ADRA1D: variants seen among roughly 807,000 people sequenced by gnomAD.
ADRA1D encodes adrenoceptor alpha 1D, also known as alpha-1D adrenergic receptor.
A neutral mutation model predicts 18.6 loss-of-function variants in ADRA1D; 22 were observed. The observed-to-expected ratio is 1.19, with a 90% CI of 0.85 to 1.69. The LOEUF is 1.69. ADRA1D is among the 40% of genes most tolerant of loss of function. The probability of loss-of-function intolerance (pLI) is 0.00; values close to 1 mark genes in which losing one functional copy is unlikely to be tolerated. For missense variants in ADRA1D, 840 were observed against 840.7 expected, an observed-to-expected ratio of 1.00 and a Z score of 0.01; for synonymous variants, 376 against 388.2, an observed-to-expected ratio of 0.97 and a Z score of 0.37.
chr20:4,246,653 C>A (rs1358488699), intron 1 of ADRA1D, among the ~76,000 whole-genome samples: 4 of 152,144 alleles, frequency 2.6e-5, no homozygotes, highest in Non-Finnish European at 5.9e-5. Flanking sequence ...CAGTTCCAGC[C>A]TGTGGTCCCA....
chr20:4,235,084 G>A (rs1018766532), intron 1 of ADRA1D, among the ~76,000 whole-genome samples: 31 of 152,230 alleles, frequency 2.0e-4, no homozygotes, highest in African/African-American at 6.8e-4. Flanking sequence ...ATACCAAGCC[G>A]AGCCTCTCAC....
At position 4,222,152 on chromosome 20, in the gene ADRA1D, A is replaced by G; in HGVS notation, c.1112-22T>C. 6.2e-7 allele frequency: 1 copy of G among 1,608,464 alleles called. No homozygotes were observed. The highest frequency in any genetic ancestry group is 8.5e-7 in the Non-Finnish European group (1 of 1,177,362). ...GAGCCTGTAGGGAGCAGAGACCGAT[A>G]CTATTTAGCTGCTTGGGGAGGGGGA... On this transcript the variant is annotated intron_variant, in intron 1 of 1. Transcript: ENST00000379453. This position sits in a 1 kb window ranked among gnomAD's most constrained non-coding sequence, Gnocchi z 4.3.
At chr20:4,234,669 A>G (rs946188) in intron 1 of ADRA1D, among the ~76,000 whole-genome samples, 28,433 of 152,216 alleles carry the variant, frequency 0.19, 3,144 homozygotes, top group Middle Eastern at 0.26. Context: ...GGAGCTCAGT[A>G]GCAGCCTTCC....
rs1050165689 is a variant in ADRA1D at position 4,248,001 on chromosome 20, G to A, written c.957C>T (p.His319=). 1.3e-6 allele frequency: 2 copies of A among 1,561,478 alleles called. No homozygotes were observed. The highest frequency in any genetic ancestry group is 2.7e-5 in the African/African-American group (2 of 73,138). ...RGAATGADGA[H]GMRSAKGHTF... is the part of the protein sequence containing the mutation. ...TGTGGCCCTTGGCGCTGCGCATGCCGTGCGCCCCGTCGGCGCCCGTGGCCG... is the reference window on the plus strand; with the variant it reads ...TGTGGCCCTTGGCGCTGCGCATGCCATGCGCCCCGTCGGCGCCCGTGGCCG... Residue 319 remains histidine (H), a synonymous_variant, in exon 1 of 2, where the codon CAC becomes CAT. Coordinates refer to ENST00000379453, the MANE Select transcript of ADRA1D (RefSeq NM_000678.4).
At chr20:4,235,665 A>G (rs1277324001) in intron 1 of ADRA1D, among the ~76,000 whole-genome samples, 2 of 152,224 alleles carry the variant, frequency 1.3e-5, no homozygotes, top group Non-Finnish European at 2.9e-5. Context: ...CGGGGAGAGA[A>G]GGTTCCCAGG....
At position 4,248,272 on chromosome 20, in the gene ADRA1D, A is replaced by G. The variant is rs748558421; in HGVS notation, c.686T>C (p.Val229Ala). The G allele has an allele frequency of 1.9e-6, 3 of 1,608,718 alleles. No individual in the cohort carries two copies. Among genetic ancestry groups the G allele is most frequent in the Non-Finnish European group, 1.7e-6 (2 of 1,177,916 alleles). ...LLWVVALVVSVGPLLGWKEPV... is the reference protein window; with the variant it reads ...LLWVVALVVSAGPLLGWKEPV... ...CTCCTTCCAGCCCAGCAGGGGCCCT[A>G]CGGACACCACCAGGGCTACGACCCA... is the stretch of plus-strand genomic sequence containing the variant. Residue 229 changes from valine (V) to alanine (A), a missense_variant, in exon 1 of 2, where the codon GTA becomes GCA. Physicochemically the swap from Val to Ala is moderately conservative, Grantham distance 64. Coordinates refer to ENST00000379453, the MANE Select transcript of ADRA1D (RefSeq NM_000678.4).
At chr20:4,227,575 C>T (rs560835693) in intron 1 of ADRA1D, among the ~76,000 whole-genome samples, 3 of 152,156 alleles carry the variant, frequency 2.0e-5, no homozygotes, top group Non-Finnish European at 4.4e-5. Flanking sequence ...CCTAAGTCCC[C>T]TCGACTTTCT....
At chr20:4,231,068 C>CTT (rs1980952003) in intron 1 of ADRA1D, among the ~76,000 whole-genome samples, 2 of 45,716 alleles carry the variant, frequency 4.4e-5, no homozygotes, top group Non-Finnish European at 9.8e-5. Flanking sequence ...CTTTCTTTCT[C>CTT]TCTCTCTCTC....
In ADRA1D at chr20:4,239,967, T is replaced by A. The variant is rs1981176754; in HGVS notation, c.1111+7880A>T. 1.3e-5 allele frequency among the ~76,000 whole-genome samples: 2 copies of A among 152,174 alleles called. No individual in the cohort carries two copies. The highest frequency in any genetic ancestry group is 1.3e-4 in the Admixed American group (2 of 15,286). On this transcript the variant is annotated intron_variant, in intron 1 of 1. Transcript: ENST00000379453. The surrounding 1 kb of genome is among the most constrained non-coding windows in gnomAD (Gnocchi z 4.9). ...GTGATATAATGGGTCCAGGCCATGG[T>A]CAATGGCTGCCAAAACCAGCAGGTG...
intron 1 of ADRA1D, among the ~76,000 whole-genome samples, chr20:4,226,554 G>A (rs1980804524): frequency 6.6e-6 from 1 of 152,218 alleles, no homozygotes; most frequent in Non-Finnish European, 1.5e-5. Flanking sequence ...GGGAGGTGGG[G>A]TATTTATACG....
Position 4,222,991 on chromosome 20 carries a change from C to T in ADRA1D, c.1112-861G>A, listed in dbSNP as rs1390594815. ...TTCAAACGAACATTAGCCGTCCCCA[C>T]GGATATTTTCCTATCACTTTCAGTT... is the stretch of plus-strand genomic sequence containing the variant. On this transcript the variant is annotated intron_variant, in intron 1 of 1. Transcript: ENST00000379453. The surrounding 1 kb of genome is among the most constrained non-coding windows in gnomAD (Gnocchi z 4.3). Among the ~76,000 whole-genome samples, 2 of 152,068 alleles carry T rather than the reference C, an allele frequency of 1.3e-5. No individual in the cohort carries two copies. The highest frequency in any genetic ancestry group is 4.8e-5 in the African/African-American group (2 of 41,394).
intron 1 of ADRA1D, among the ~76,000 whole-genome samples, chr20:4,228,375 A>G (rs1980870932): frequency 6.6e-6 from 1 of 152,138 alleles, no homozygotes; most frequent in African/African-American, 2.4e-5. Flanking sequence ...CATCGCAGGT[A>G]GACAATGATG....
Position 4,248,664 on chromosome 20 carries a change from G to T in ADRA1D, c.294C>A (p.Gly98=), listed in dbSNP as rs761994764. 1 of 1,605,612 alleles carries T rather than the reference G, an allele frequency of 6.2e-7. No homozygotes were observed. Among genetic ancestry groups the T allele is most frequent in the South Asian group, 1.1e-5 (1 of 90,002 alleles). Residue 98 remains glycine, a synonymous_variant, in exon 1 of 2, where the codon GGC becomes GGA. Transcript: ENST00000379453. ...GGLVVSAQGV[G]VGVFLAAFIL... ...TGAAGGCTGCCAGGAAGACGCCCACGCCCACGCCCTGCGCGCTCACCACCA... is the reference window on the plus strand; with the variant it reads ...TGAAGGCTGCCAGGAAGACGCCCACTCCCACGCCCTGCGCGCTCACCACCA...
chr20:4,247,564 A>T (rs977546335), intron 1 of ADRA1D, among the ~76,000 whole-genome samples: 1 of 152,182 alleles, frequency 6.6e-6, no homozygotes, highest in Non-Finnish European at 1.5e-5. Context: ...ATTTTCACAG[A>T]CGTTTTATTT....
At chr20:4,227,854 G>A (rs1980858276) in intron 1 of ADRA1D, among the ~76,000 whole-genome samples, 1 of 151,442 alleles carries the variant, frequency 6.6e-6, no homozygotes, top group South Asian at 2.1e-4. Flanking sequence ...TGATCCGCCT[G>A]CCTTGGCCTC....
At chr20:4,242,626 G>A (rs879881257) in intron 1 of ADRA1D, among the ~76,000 whole-genome samples, 2 of 152,194 alleles carry the variant, frequency 1.3e-5, no homozygotes, top group Non-Finnish European at 2.9e-5. Context: ...GGCTGGAGTG[G>A]GACATTGGCT....
intron 1 of ADRA1D, among the ~76,000 whole-genome samples, chr20:4,240,253 A>G (rs1010696191): frequency 1.3e-5 from 2 of 152,216 alleles, no homozygotes; most frequent in African/African-American, 4.8e-5. Flanking sequence ...AAAGAAACCT[A>G]ATAGGCAAAT....
intron 1 of ADRA1D, among the ~76,000 whole-genome samples, chr20:4,231,823 C>T (rs1265389587): frequency 2.6e-5 from 4 of 152,306 alleles, no homozygotes; most frequent in Non-Finnish European, 5.9e-5. Context: ...CTTCTAGGGG[C>T]GCTGGGTTCA....
rs776264034 is a variant in ADRA1D, at chr20:4,222,141, C to A, written c.1112-11G>T. ...GCGGGAACAAGGAGCCTGTAGGGAG[C>A]AGAGACCGATACTATTTAGCTGCTT... On this transcript the variant is annotated splice_polypyrimidine_tract_variant and intron_variant, in intron 1 of 1. Transcript: ENST00000379453. The surrounding 1 kb of genome is among the most constrained non-coding windows in gnomAD (Gnocchi z 4.3). 3 of 1,611,064 alleles carry A rather than the reference C, an allele frequency of 1.9e-6. No individual in the cohort carries two copies. Among genetic ancestry groups the A allele is most frequent in the South Asian group, 1.1e-5 (1 of 90,972 alleles).
Sources: gnomAD v4.1 joint callset for allele counts (sites outside exome capture counted in the v4.1 genomes callset) on GRCh38, gnomAD v4.1.1 for gene constraint, Gnocchi (gnomAD v3.1) non-coding constraint, MANE v1.5 for transcripts, NCBI Gene and HGNC (gene_info 2026-07-23, HGNC 2026-07-21) for gene names.